PPP4R3A: variants seen among roughly 807,000 people sequenced by gnomAD.
The protein encoded by PPP4R3A is protein phosphatase 4 regulatory subunit 3A, also known as serine/threonine-protein phosphatase 4 regulatory subunit 3A.
PPP4R3A carries 15 observed loss-of-function variants against 91.7 expected under a neutral mutation model. The observed-to-expected ratio is 0.16, with a 90% CI of 0.11 to 0.25. PPP4R3A has a LOEUF of 0.25. Ranked by LOEUF, PPP4R3A falls within the 10% of genes least tolerant of loss-of-function variation. The pLI, the probability that PPP4R3A is intolerant of heterozygous loss-of-function variation, is 1.00. For synonymous variants in PPP4R3A, 377 were observed against 348.7 expected (o/e 1.08, Z -0.91); for missense variants, 623 against 998.4 (o/e 0.62, Z 5.07).
At chr14:91,496,547 TAAGA>T (rs781660315) in intron 1 of PPP4R3A, among the ~76,000 whole-genome samples, 1 of 152,092 alleles carries the variant, frequency 6.6e-6, no homozygotes, top group South Asian at 2.1e-4. Flanking sequence ...ATCAGGATAA[TAAGA>T]AAGAGGGAAA....
intron 3 of PPP4R3A, among the ~76,000 whole-genome samples, chr14:91,483,096 A>G (rs1373823959): frequency 1.3e-5 from 2 of 152,218 alleles, no homozygotes; most frequent in Non-Finnish European, 2.9e-5. Context: ...TATATTGACT[A>G]CATTTTAAAG....
rs150005559 is a variant in PPP4R3A at position 91,478,450 on chromosome 14, C to T, written c.916-1464G>A. Among the ~76,000 whole-genome samples, 76 of 152,356 alleles carry T rather than the reference C, an allele frequency of 5.0e-4. No homozygotes were observed. The East Asian group carries it at 0.012, about 24-fold the overall frequency. On this transcript the variant is annotated intron_variant, in intron 4 of 14. Transcript: ENST00000554943. ...GCATTAAACTGTACCTCAATCACTT[C>T]TTGCCAAAACATTTGTAAAATGCTA...
intron 10 of PPP4R3A, among the ~76,000 whole-genome samples, chr14:91,468,945 C>CCT (rs1390248867): frequency 1.3e-5 from 2 of 151,904 alleles, no homozygotes; most frequent in Non-Finnish European, 2.9e-5. Context: ...ATGACTCCCT[C>CCT]CTCCTAATGA....
At chr14:91,466,431 AGAG>A (rs1888471660) in intron 10 of PPP4R3A, 2 of 985,746 alleles carry the variant, frequency 2.0e-6, no homozygotes, top group Non-Finnish European at 2.4e-6. Context: ...GTGGGAAGGC[AGAG>A]GAGTAAAGCA....
chr14:91,479,493 AC>A (rs1231265040), intron 4 of PPP4R3A, among the ~76,000 whole-genome samples: 1 of 151,544 alleles, frequency 6.6e-6, no homozygotes, highest in African/African-American at 2.4e-5. Flanking sequence ...TCAGCCTCCC[AC>A]ATGGCTGGGA....
At chr14:91,476,834 G>A in intron 5 of PPP4R3A, 75 bp downstream of exon 5, 1 of 1,288,668 alleles carries the variant, frequency 7.8e-7, no homozygotes, top group Non-Finnish European at 1.1e-6. Context: ...CAAAGTGCTG[G>A]GATTTACAGG....
chr14:91,494,653 AG>A (rs1890430801), intron 1 of PPP4R3A, among the ~76,000 whole-genome samples: 1 of 152,150 alleles, frequency 6.6e-6, no homozygotes, highest in African/African-American at 2.4e-5. Context: ...ACTTGAGGTC[AG>A]GAGTTCGAGA....
rs879104911 is a variant in PPP4R3A at position 91,509,961 on chromosome 14, G to T, written c.-314C>A. ...CGCCCCGCAGCGCTAGGAACTCGGG[G>T]CTCCCGTCACTGCCCTGCTCCCGCC... On this transcript the variant is annotated 5_prime_UTR_variant, in exon 1 of 15. Coordinates refer to ENST00000554943, the MANE Select transcript of PPP4R3A (RefSeq NM_001366432.2). 1.1e-5 allele frequency: 11 copies of T among 1,015,666 alleles called. No homozygotes were observed. The South Asian group carries it at 4.4e-4, about 41-fold the overall frequency. 62.9% of individuals were successfully genotyped at this position (1,015,666 alleles called of 1,614,324 possible).
At chr14:91,472,956 A>C in intron 9 of PPP4R3A, 77 bp downstream of exon 9, 1 of 1,376,610 alleles carries the variant, frequency 7.3e-7, no homozygotes, top group Non-Finnish European at 1.0e-6. Flanking sequence ...CTGCCTCCTA[A>C]AAAGACTGAC....
rs1888374709 is a variant in PPP4R3A, at chr14:91,464,749, T to C, written c.1830+501A>G. On this transcript the variant is annotated intron_variant, in intron 11 of 14. Coordinates refer to ENST00000554943, the MANE Select transcript of PPP4R3A (RefSeq NM_001366432.2). ...AAATGCTTATCTGTCAAGTGTAGTT[T>C]TGCTTTCTTAAAATGATTACTGTGA... is the stretch of plus-strand genomic sequence containing the variant. 2.0e-5 allele frequency among the ~76,000 whole-genome samples: 3 copies of C among 152,204 alleles called. No homozygotes were observed. In the South Asian group the frequency reaches 6.2e-4, roughly 31 times the overall value.
chr14:91,505,456 A>C (rs564846030), intron 1 of PPP4R3A, among the ~76,000 whole-genome samples: 7 of 152,048 alleles, frequency 4.6e-5, no homozygotes, highest in South Asian at 2.1e-4. Flanking sequence ...AAAAAAAAAA[A>C]AAAACACACA....
At chr14:91,490,839 T>C in intron 1 of PPP4R3A, 37 bp from the exon 2 acceptor site, 1 of 1,412,748 alleles carries the variant, frequency 7.1e-7, no homozygotes, top group Non-Finnish European at 9.8e-7. Context: ...TATGTTACTG[T>C]AAAACAGCAA....
At chr14:91,458,995 G>A (rs1887949064) in intron 14 of PPP4R3A, 126 bp from the exon 15 acceptor site, 1 of 1,113,268 alleles carries the variant, frequency 9.0e-7, no homozygotes, top group African/African-American at 1.6e-5. Flanking sequence ...TGGGTGGTGG[G>A]ACTGTGTTAA....
chr14:91,475,776 TATAA>T (rs763190264), intron 7 of PPP4R3A, 31 bp downstream of exon 7: 22 of 1,561,734 alleles, frequency 1.4e-5, no homozygotes, highest in Non-Finnish European at 1.9e-5. Context: ...GCTTCCTATG[TATAA>T]ATACTTACTA....
intron 2 of PPP4R3A, among the ~76,000 whole-genome samples, chr14:91,489,792 A>AC (rs1166841145): frequency 7.9e-5 from 12 of 152,236 alleles, no homozygotes; most frequent in African/African-American, 2.9e-4. Context: ...ATTCTATCAG[A>AC]CTATCAAACT....
intron 1 of PPP4R3A, among the ~76,000 whole-genome samples, chr14:91,504,593 A>C (rs1891171436): frequency 6.8e-6 from 1 of 148,088 alleles, no homozygotes; most frequent in Non-Finnish European, 1.5e-5. Context: ...CAAGAGCGAA[A>C]CACTGACTCA....
rs1887933921 is a variant in PPP4R3A at position 91,458,822 on chromosome 14, A to T, written c.2439T>A (p.Asp813Glu). Reference protein sequence around the residue: ...LVDYPDDDEDDDEDEDKEDTL... With the variant: ...LVDYPDDDEDEDEDEDKEDTL... ...TATCTTCCTTATCTTCATCCTCATCATCATCTTCATCATCATCAGGATAAT... is the reference window on the plus strand; with the variant it reads ...TATCTTCCTTATCTTCATCCTCATCTTCATCTTCATCATCATCAGGATAAT... The change falls in exon 15 of 15, where the codon GAT becomes GAA. Residue 813 changes from aspartate (D) to glutamate (E), a missense_variant. By Grantham distance (45) the Asp-to-Glu change is conservative (BLOSUM62 2). Transcript: ENST00000554943. 1.9e-6 allele frequency: 3 copies of T among 1,613,108 alleles called. No individual in the cohort carries two copies. The highest frequency in any genetic ancestry group is 2.5e-6 in the Non-Finnish European group (3 of 1,179,256).
rs1891665765 is a variant in PPP4R3A, at chr14:91,509,742, A to G, written c.-95T>C. 7.2e-7 allele frequency: 1 copy of G among 1,379,634 alleles called. No individual in the cohort carries two copies. Among genetic ancestry groups the G allele is most frequent in the Non-Finnish European group, 9.3e-7 (1 of 1,074,996 alleles). 85.5% of individuals were successfully genotyped at this position (1,379,634 alleles called of 1,614,324 possible). A position where few individuals can be genotyped will look rare whatever the true frequency, so the allele number is the denominator to read the frequency against. On this transcript the variant is annotated 5_prime_UTR_variant, in exon 1 of 15. Coordinates refer to ENST00000554943, the MANE Select transcript of PPP4R3A (RefSeq NM_001366432.2). ...GGGGCGAGGCGTGAGGGCGCCCGCG[A>G]GCGGAGGGCTCCCCGGCCTCACTGC...
At chr14:91,461,245 G>C (rs1888135334) in intron 14 of PPP4R3A, 136 bp downstream of exon 14, 3 of 755,734 alleles carry the variant, frequency 4.0e-6, no homozygotes, top group Non-Finnish European at 4.3e-6. Context: ...TCAAGCGGTG[G>C]GGGGGACTCA....
Sources: allele counts gnomAD v4.1 joint callset (sites outside exome capture counted in the v4.1 genomes callset), GRCh38; gene constraint gnomAD v4.1.1; transcripts MANE v1.5; gene names NCBI Gene and HGNC (gene_info 2026-07-23, HGNC 2026-07-21).